Variants in HIVEP1 observed in about 807,000 individuals in gnomAD.
The protein encoded by HIVEP1 is HIVEP zinc finger 1, also known as zinc finger protein 40.
In HIVEP1, 36 loss-of-function variants were observed where a neutral mutation model predicts 180.0. That is an observed-to-expected ratio of 0.20 (90% CI 0.15 to 0.26). HIVEP1 has a LOEUF of 0.26. Ranked by LOEUF, HIVEP1 falls within the 10% of genes least tolerant of loss-of-function variation. The pLI, the probability that HIVEP1 is intolerant of heterozygous loss-of-function variation, is 1.00. For missense variants in HIVEP1, 3,143 were observed against 3,268.7 expected, an observed-to-expected ratio of 0.96 and a Z score of 0.94; for synonymous variants, 1,239 against 1,239.0, an observed-to-expected ratio of 1.00 and a Z score of 0.00.
downstream of HIVEP1, among the ~76,000 whole-genome samples, chr6:12,167,405 CA>C (rs533794235): frequency 3.2e-4 from 49 of 151,448 alleles, no homozygotes; most frequent in African/African-American, 1.1e-3. Flanking sequence ...AATTTTGTTT[CA>C]AAACCATCTA....
At chr6:12,208,366 A>T in the HIVEP1 span, among the ~76,000 whole-genome samples, 1 of 152,150 alleles carries the variant, frequency 6.6e-6, no homozygotes, top group African/African-American at 2.4e-5. Flanking sequence ...CAGGAAGTAT[A>T]TGCAGTTAAG....
intron 7 of HIVEP1, among the ~76,000 whole-genome samples, chr6:12,140,516 G>C (rs1246306685): frequency 6.6e-6 from 1 of 152,222 alleles, no homozygotes; most frequent in African/African-American, 2.4e-5. Flanking sequence ...GATGGAGAAT[G>C]ACTTTGATGA....
Position 12,164,482 on chromosome 6 carries a change from C to A in HIVEP1, c.*21C>A. On this transcript the variant is annotated 3_prime_UTR_variant, in exon 9 of 9. Transcript: ENST00000379388. ...CCTGATGGATTTTATTTTTTATTTGCTTTTTTTTTATATAACACTTAAAGG... is the reference window on the plus strand; with the variant it reads ...CCTGATGGATTTTATTTTTTATTTGATTTTTTTTTATATAACACTTAAAGG... 2 of 1,533,552 alleles carry A rather than the reference C, an allele frequency of 1.3e-6. No individual in the cohort carries two copies. Among genetic ancestry groups the A allele is most frequent in the Non-Finnish European group, 1.8e-6 (2 of 1,137,124 alleles). 95.0% of individuals were successfully genotyped at this position (1,533,552 alleles called of 1,614,324 possible).
intron 2 of HIVEP1, among the ~76,000 whole-genome samples, chr6:12,045,295 A>T (rs1770052587): frequency 6.6e-6 from 1 of 152,146 alleles, no homozygotes; most frequent in Admixed American, 6.6e-5. Context: ...TGCTCACTGG[A>T]TGGAGAGGCA....
chr6:12,111,801 C>CT (rs1234191764), intron 3 of HIVEP1, among the ~76,000 whole-genome samples: 2 of 152,210 alleles, frequency 1.3e-5, no homozygotes, highest in Non-Finnish European at 2.9e-5. Flanking sequence ...ATCTCCCCAT[C>CT]TCAAAATACG....
intron 7 of HIVEP1, among the ~76,000 whole-genome samples, chr6:12,141,339 C>T (rs1017927499): frequency 2.6e-5 from 4 of 151,978 alleles, no homozygotes; most frequent in African/African-American, 9.7e-5. Context: ...TTTGTCACCA[C>T]CAGACCTGCC....
intron 3 of HIVEP1, among the ~76,000 whole-genome samples, chr6:12,104,597 T>C (rs1279353061): frequency 6.6e-6 from 1 of 151,896 alleles, no homozygotes; most frequent in Non-Finnish European, 1.5e-5. Flanking sequence ...ATTTGTTTTT[T>C]GTTTTTGTTT....
rs1226115626 is a variant in HIVEP1, at chr6:12,129,905, TTTAC to T, written c.6209+16_6209+19del. The stretch of plus-strand genomic sequence containing the variant: ...TATTTGATGGAGGGCAAGTACAAAT[TTTAC>T]TTCTTAAATGTACATTTAAACTGAC... On this transcript the variant is annotated intron_variant, in intron 5 of 8. Coordinates refer to ENST00000379388, the MANE Select transcript of HIVEP1 (RefSeq NM_002114.4). 3 of 1,517,100 alleles carry T rather than the reference TTTAC, an allele frequency of 2.0e-6. No homozygotes were observed. The African/African-American group carries it at 4.2e-5, about 21-fold the overall frequency. The allele number at this position is 1,517,100 out of a possible 1,614,324, so 94.0% of individuals were successfully genotyped here. A position where few individuals can be genotyped will look rare whatever the true frequency, so the allele number is the denominator to read the frequency against.
chr6:12,054,701 T>C (rs544320089), intron 2 of HIVEP1, among the ~76,000 whole-genome samples: 178 of 152,322 alleles, frequency 1.2e-3, no homozygotes, highest in African/African-American at 4.1e-3. Flanking sequence ...GTTTCCATTT[T>C]ATTTGGTTAT....
At chr6:12,116,943 G>A (rs1775252172) in intron 3 of HIVEP1, among the ~76,000 whole-genome samples, 1 of 151,966 alleles carries the variant, frequency 6.6e-6, no homozygotes. Context: ...GAGATGAAAT[G>A]GGAAATATGG....
the HIVEP1 span, among the ~76,000 whole-genome samples, chr6:12,198,735 G>A: frequency 6.6e-6 from 1 of 152,140 alleles, no homozygotes; most frequent in Non-Finnish European, 1.5e-5. Flanking sequence ...CAGTTCAAAG[G>A]CAATGAAAGA....
chr6:12,020,369 G>A (rs1348536432), intron 2 of HIVEP1: 5 of 471,042 alleles, frequency 1.1e-5, no homozygotes, highest in Non-Finnish European at 1.8e-5. Context: ...CCTGGGTTCC[G>A]TGGAGAAGGG....
At chr6:12,065,669 TTGTGTGTGTGTGTGTGTGTGTGCG>T (rs1241286785) in intron 2 of HIVEP1, among the ~76,000 whole-genome samples, 1 of 143,214 alleles carries the variant, frequency 7.0e-6, no homozygotes, top group Non-Finnish European at 1.5e-5. Flanking sequence ...CAGGTAGGTT[TTGTGTGTGTGTGTGTGTGTGTGCG>T]TGTGTGTGTG....
At position 12,161,521 on chromosome 6, in the gene HIVEP1, T is replaced by C; in HGVS notation, c.6570T>C (p.Asn2190=). 5 of 1,614,068 alleles carry C rather than the reference T, an allele frequency of 3.1e-6. No homozygotes were observed. Among genetic ancestry groups the C allele is most frequent in the Non-Finnish European group, 4.2e-6 (5 of 1,179,986 alleles). The change falls in exon 8 of 9, where the codon AAT becomes AAC. Residue 2190 remains asparagine (N), a synonymous_variant. Coordinates refer to ENST00000379388, the MANE Select transcript of HIVEP1 (RefSeq NM_002114.4). ...SDGPDEDDNE[N]EDDDEDSQAE... ...GCCCAGATGAGGATGACAATGAAAA[T>C]GAAGACGATGATGAGGACAGCCAGG... is the stretch of plus-strand genomic sequence containing the variant.
intron 3 of HIVEP1, among the ~76,000 whole-genome samples, chr6:12,107,140 C>G (rs1361931162): frequency 6.6e-6 from 1 of 152,140 alleles, no homozygotes; most frequent in Non-Finnish European, 1.5e-5. Context: ...CTAGAGATGC[C>G]ATGGGTTTAG....
At chr6:12,090,930 A>G (rs1328021681) in intron 3 of HIVEP1, among the ~76,000 whole-genome samples, 1 of 152,088 alleles carries the variant, frequency 6.6e-6, no homozygotes, top group East Asian at 1.9e-4. Context: ...AATGAGGTTC[A>G]GAATAATGGA....
At chr6:12,026,157 A>G (rs1289321960) in intron 2 of HIVEP1, among the ~76,000 whole-genome samples, 4 of 152,232 alleles carry the variant, frequency 2.6e-5, no homozygotes, top group Non-Finnish European at 5.9e-5. Flanking sequence ...CTGCCCTCTT[A>G]GAGTTTTTAA....
upstream of HIVEP1, among the ~76,000 whole-genome samples, chr6:12,011,592 C>T (rs1278785460): frequency 2.7e-5 from 4 of 148,056 alleles, no homozygotes; most frequent in East Asian, 8.5e-4. Flanking sequence ...GGCTGCGCTG[C>T]CACCTCCTCC....
chr6:12,120,783 G>T lies in HIVEP1; in HGVS notation c.988G>T (p.Val330Leu). 6.2e-7 allele frequency: 1 copy of T among 1,614,168 alleles called. No individual in the cohort carries two copies. Among genetic ancestry groups the T allele is most frequent in the Non-Finnish European group, 8.5e-7 (1 of 1,180,036 alleles). Residue 330 changes from valine (V) to leucine (L), a missense_variant, in exon 4 of 9, where the codon GTG becomes TTG. Physicochemically the swap from Val to Leu is conservative, Grantham distance 32 (BLOSUM62 1). Transcript: ENST00000379388. ...ACTTGAACAGGTTTATAATATAGCA[G>T]TGACATCATCTGTAGGCCTAACTTC... ...AKLEQVYNIA[V>L]TSSVGLTSPS...
Sources: allele counts gnomAD v4.1 joint callset (sites outside exome capture counted in the v4.1 genomes callset), GRCh38; gene constraint gnomAD v4.1.1; transcripts MANE v1.5; gene names NCBI Gene and HGNC (gene_info 2026-07-23, HGNC 2026-07-21).